Variants in DNAH8 observed in about 807,000 individuals in gnomAD.
The protein encoded by DNAH8 is dynein axonemal heavy chain 8.
Under a neutral mutation model 562.1 loss-of-function variants are expected in DNAH8, and 382 were observed. The ratio of observed to expected loss-of-function variants is 0.68; its 90% CI spans 0.63 to 0.74. The LOEUF (loss-of-function observed/expected upper bound fraction) is 0.74. Among genes scored for constraint, DNAH8 ranks in the 30% least tolerant of loss-of-function variants. The probability of loss-of-function intolerance (pLI) is 0.00; values close to 1 mark genes in which losing one functional copy is unlikely to be tolerated. For synonymous variants in DNAH8, 1,881 were observed against 1,919.4 expected (o/e 0.98, Z 0.52); for missense variants, 5,203 against 5,620.4 (o/e 0.93, Z 2.37).
chr6:38,744,045 G>T (rs376502346), intron 8 of DNAH8: 14 of 152,220 alleles, frequency 9.2e-5, no homozygotes, highest in African/African-American at 3.4e-4. Flanking sequence ...CAACTTTTCA[G>T]TACTAATTAT....
chr6:38,881,109 C>T (rs1300163009), intron 53 of DNAH8, among the ~76,000 whole-genome samples: 1 of 142,800 alleles, frequency 7.0e-6, no homozygotes, highest in Non-Finnish European at 1.5e-5. Flanking sequence ...GTTAATAATG[C>T]CAAATATTGG....
chr6:38,913,282 T>G (rs1008315802), intron 66 of DNAH8, among the ~76,000 whole-genome samples: 1 of 152,216 alleles, frequency 6.6e-6, no homozygotes, highest in Non-Finnish European at 1.5e-5. Flanking sequence ...CTTTTCCCAG[T>G]GACCCAGATT....
At chr6:38,777,998 A>G (rs1425489411) in intron 13 of DNAH8, among the ~76,000 whole-genome samples, 1 of 152,260 alleles carries the variant, frequency 6.6e-6, no homozygotes, top group African/African-American at 2.4e-5. Flanking sequence ...TAATTTTTCT[A>G]GTAGCCATTG....
At chr6:38,996,303 A>G (rs1765128938) in intron 88 of DNAH8, among the ~76,000 whole-genome samples, 1 of 152,028 alleles carries the variant, frequency 6.6e-6, no homozygotes, top group African/African-American at 2.4e-5. Flanking sequence ...AGTCATGTCC[A>G]CCTTCCCTCC....
intron 68 of DNAH8, among the ~76,000 whole-genome samples, chr6:38,915,681 C>T (rs2150541680): frequency 6.6e-6 from 1 of 152,292 alleles, no homozygotes; most frequent in South Asian, 2.1e-4. Context: ...GTTTCTCCAG[C>T]ATCCCTTCCA....
intron 11 of DNAH8, chr6:38,763,176 G>A (rs1197857376): frequency 3.4e-6 from 1 of 293,924 alleles, no homozygotes; most frequent in Non-Finnish European, 6.6e-6. Context: ...ATTTAACAGT[G>A]TAGATCATAC....
At chr6:38,797,108 T>A (rs540835981) in intron 21 of DNAH8, among the ~76,000 whole-genome samples, 19 of 152,178 alleles carry the variant, frequency 1.2e-4, no homozygotes, top group Non-Finnish European at 5.9e-5. Flanking sequence ...CAAAATCAAC[T>A]TGGGGCTGGA....
At chr6:38,724,085 C>T (rs1369711563) in intron 3 of DNAH8, among the ~76,000 whole-genome samples, 1 of 151,918 alleles carries the variant, frequency 6.6e-6, no homozygotes, top group Admixed American at 6.6e-5. Flanking sequence ...CTTCCGGATT[C>T]TCCTGCCTCA....
chr6:38,909,623 G>A lies in DNAH8; in HGVS notation c.9619G>A (p.Ala3207Thr), dbSNP rs1221318001. ...GCCAAGGGAGGCTCTGATTGCTGTG[G>A]CCTCCTACTTCCTTTCAGACTATAA... ...RWPREALIAV[A>T]SYFLSDYNIV... The change falls in exon 65 of 93, where the codon GCC (alanine) becomes ACC (threonine). Residue 3207 changes from alanine to threonine, a missense_variant. Ala to Thr is a moderately conservative substitution (Grantham distance 58, BLOSUM62 0). Transcript: ENST00000327475. 6 of 1,614,164 alleles carry A rather than the reference G, an allele frequency of 3.7e-6. No individual in the cohort carries two copies. In the African/African-American group the frequency reaches 5.3e-5, roughly 14 times the overall value.
chr6:38,791,231 T>C (rs1288842724), intron 20 of DNAH8, among the ~76,000 whole-genome samples: 4 of 152,240 alleles, frequency 2.6e-5, no homozygotes, highest in Non-Finnish European at 5.9e-5. Flanking sequence ...TATGTGTTCC[T>C]TCCCAGGTTG....
At chr6:38,923,884 G>A (rs1458239730) in intron 72 of DNAH8, 107 bp from the exon 73 acceptor site, 2 of 1,251,746 alleles carry the variant, frequency 1.6e-6, no homozygotes, top group East Asian at 4.7e-5. Flanking sequence ...GCATTAAGCA[G>A]GGGCAAAGAA....
intron 91 of DNAH8, among the ~76,000 whole-genome samples, chr6:39,015,387 A>G (rs1174531387): frequency 2.0e-5 from 3 of 152,240 alleles, no homozygotes; most frequent in Admixed American, 6.5e-5. Flanking sequence ...GTAGATTCAC[A>G]TGATATGGTT....
At chr6:38,988,327 A>G (rs34826703) in intron 87 of DNAH8, among the ~76,000 whole-genome samples, 23,296 of 152,088 alleles carry the variant, frequency 0.15, 2,265 homozygotes, top group East Asian at 0.51. Flanking sequence ...AGCTATTTGT[A>G]TGTGTATAAA....
At chr6:38,999,194 T>C (rs1765323790) in intron 88 of DNAH8, among the ~76,000 whole-genome samples, 1 of 152,138 alleles carries the variant, frequency 6.6e-6, no homozygotes, top group Non-Finnish European at 1.5e-5. Context: ...AAGTGATTTA[T>C]TAGGTGGGAT....
At chr6:38,838,822 T>TTTATG (rs1774529803) in intron 33 of DNAH8, among the ~76,000 whole-genome samples, 1 of 152,244 alleles carries the variant, frequency 6.6e-6, no homozygotes, top group South Asian at 2.1e-4. Context: ...ACAAGTGTAT[T>TTTATG]TCAATCAAAT....
chr6:38,971,745 T>A (rs1165901929), intron 83 of DNAH8, 80 bp downstream of exon 83: 2 of 1,110,110 alleles, frequency 1.8e-6, no homozygotes, highest in East Asian at 2.6e-5. Flanking sequence ...ATTCTTCTCG[T>A]GATGCTCAAT....
intron 48 of DNAH8, among the ~76,000 whole-genome samples, chr6:38,868,772 G>A (rs1223868950): frequency 6.6e-6 from 1 of 151,556 alleles, no homozygotes; most frequent in Non-Finnish European, 1.5e-5. Flanking sequence ...CCAGGCTCAA[G>A]CTATTTCCCT....
rs1300076716 is a variant in DNAH8 at position 38,878,789 on chromosome 6, A to G, written c.7858+2961A>G. Among the ~76,000 whole-genome samples the G allele has an allele frequency of 5.9e-5, 9 of 152,338 alleles. No homozygotes were observed. The East Asian group carries it at 1.7e-3, about 29-fold the overall frequency. ...CAAGAAGAACTAGATATTGCACAGCATGCTGAATATAGTTAATAACTGTGT... is the reference window on the plus strand; with the variant it reads ...CAAGAAGAACTAGATATTGCACAGCGTGCTGAATATAGTTAATAACTGTGT... On this transcript the variant is annotated intron_variant, in intron 53 of 92. Coordinates refer to ENST00000327475, the MANE Select transcript of DNAH8 (RefSeq NM_001206927.2).
chr6:38,838,186 C>G lies in DNAH8; in HGVS notation c.4466+144C>G, dbSNP rs963835484. 15 of 582,518 alleles carry G rather than the reference C, an allele frequency of 2.6e-5. No individual in the cohort carries two copies. The African/African-American group carries it at 2.6e-4, about 10-fold the overall frequency. 36.1% of individuals were successfully genotyped at this position (582,518 alleles called of 1,614,324 possible). Reference sequence around the variant, plus strand: ...GAATATTCTCCTTATTCCAGCTATTCTTTACAAATTGGACACACAGTCTCC... The same window carrying G: ...GAATATTCTCCTTATTCCAGCTATTGTTTACAAATTGGACACACAGTCTCC... On this transcript the variant is annotated intron_variant, in intron 33 of 92. Transcript: ENST00000327475.
Sources: gnomAD v4.1 joint callset for allele counts (sites outside exome capture counted in the v4.1 genomes callset) on GRCh38, gnomAD v4.1.1 for gene constraint, MANE v1.5 for transcripts, NCBI Gene and HGNC (gene_info 2026-07-23, HGNC 2026-07-21) for gene names.